PCDHA1: variants seen among roughly 807,000 people sequenced by gnomAD.
PCDHA1 encodes the protein protocadherin alpha-1.
PCDHA1 carries 42 observed loss-of-function variants against 61.3 expected under a neutral mutation model. The ratio of observed to expected loss-of-function variants is 0.69; its 90% CI spans 0.54 to 0.89. PCDHA1 has a LOEUF of 0.89. PCDHA1 is among the 40% of genes least tolerant of loss of function. The probability of loss-of-function intolerance (pLI) is 0.00; values close to 1 mark genes in which losing one functional copy is unlikely to be tolerated. For missense variants in PCDHA1, 1,256 were observed against 1,235.3 expected (o/e 1.02, Z -0.25); for synonymous variants, 610 against 553.8 (o/e 1.10, Z -1.43).
At chr5:140,868,866 T>C (rs1319732568) in intron 1 of PCDHA1, 2 of 581,336 alleles carry the variant, frequency 3.4e-6, no homozygotes, top group Non-Finnish European at 5.7e-6. Context: ...GTAAATGCAG[T>C]GCACAGTACT....
chr5:140,988,021 T>C (rs2097278466), intron 3 of PCDHA1, among the ~76,000 whole-genome samples: 1 of 152,216 alleles, frequency 6.6e-6, no homozygotes. Context: ...AGCATGATTC[T>C]TAAGTTTTTT....
At chr5:140,856,951 A>G in intron 1 of PCDHA1, 2 of 1,593,156 alleles carry the variant, frequency 1.3e-6, no homozygotes, top group Non-Finnish European at 1.7e-6. Context: ...CGGGAGAAAT[A>G]AAAGTAAATG....
chr5:140,808,814 C>G, intron 1 of PCDHA1: 1 of 1,612,774 alleles, frequency 6.2e-7, no homozygotes. Context: ...TGCCGGCGTG[C>G]CACCTCTGGG....
Position 140,787,452 on chromosome 5 carries a change from T to C in PCDHA1, c.1162T>C (p.Ser388Pro). The C allele has an allele frequency of 6.2e-7, 1 of 1,614,168 alleles. No homozygotes were observed. The part of the protein sequence containing the change: ...DSGANGQVTC[S>P]LMPHVPFKLV... The stretch of plus-strand genomic sequence containing the variant: ...AGGTGCCAACGGGCAGGTGACTTGC[T>C]CCTTAATGCCCCACGTCCCCTTCAA... The change falls in exon 1 of 4, where the codon TCC becomes CCC. Residue 388 changes from serine to proline, a missense_variant. Physicochemically the swap from Ser to Pro is moderately conservative, Grantham distance 74 (BLOSUM62 -1). Transcript: ENST00000504120.
chr5:140,865,419 T>A (rs1327080302), intron 1 of PCDHA1: 2 of 152,314 alleles, frequency 1.3e-5, no homozygotes, highest in African/African-American at 4.8e-5. Flanking sequence ...ATTAGTAGTG[T>A]CTACCTAGAA....
Position 140,923,530 on chromosome 5 carries a change from A to G in PCDHA1, c.2395-55419A>G, listed in dbSNP as rs115719485. On this transcript the variant is annotated intron_variant, in intron 1 of 3. Coordinates refer to ENST00000504120, the MANE Select transcript of PCDHA1 (RefSeq NM_018900.4). ...GATGATGAAGTGAGATTCTGTCCCAAAAAAAGGACAAAATGAAATATCAGC... is the reference window on the plus strand; with the variant it reads ...GATGATGAAGTGAGATTCTGTCCCAGAAAAAGGACAAAATGAAATATCAGC... Among the ~76,000 whole-genome samples, 836 of 152,264 alleles carry G rather than the reference A, an allele frequency of 5.5e-3. 5 individuals carry two copies. The highest frequency in any genetic ancestry group is 0.019 in the African/African-American group (794 of 41,534).
In PCDHA1 at chr5:140,883,376, G is replaced by T. The variant is rs1276182742; in HGVS notation, c.2394+94692G>T. On this transcript the variant is annotated intron_variant, in intron 1 of 3. Transcript: ENST00000504120. The stretch of plus-strand genomic sequence containing the variant: ...AGACACTCAGCCTAGCGCCATTATT[G>T]CCCTAATCAGTGTGTCCGATCGTGA... 25 of 1,613,998 alleles carry T rather than the reference G, an allele frequency of 1.5e-5. No homozygotes were observed. The highest frequency in any genetic ancestry group is 2.0e-5 in the Non-Finnish European group (24 of 1,180,022).
chr5:140,863,258 G>A lies in PCDHA1; in HGVS notation c.2394+74574G>A, dbSNP rs1456133535. On this transcript the variant is annotated intron_variant, in intron 1 of 3. Transcript: ENST00000504120. The stretch of plus-strand genomic sequence containing the variant: ...CGGGCTTTGGCGGGCGTCGAGGTCC[G>A]GGAGGCAGCGCTGGTGGATGTCAAC... 8 of 1,445,594 alleles carry A rather than the reference G, an allele frequency of 5.5e-6. No homozygotes were observed. In the Admixed American group the frequency reaches 9.0e-5, roughly 16 times the overall value. The allele number at this position is 1,445,594 out of a possible 1,614,324, so 89.5% of individuals were successfully genotyped here.
intron 3 of PCDHA1, among the ~76,000 whole-genome samples, chr5:141,008,863 C>T (rs902385521): frequency 6.6e-6 from 1 of 152,204 alleles, no homozygotes. Flanking sequence ...CTCTTCCATG[C>T]TGCATCCCAC....
chr5:140,869,029 A>T, intron 1 of PCDHA1: 4 of 1,526,468 alleles, frequency 2.6e-6, no homozygotes, highest in South Asian at 2.7e-5. Flanking sequence ...ATTCAACGAG[A>T]TTTTTAACCT....
intron 1 of PCDHA1, among the ~76,000 whole-genome samples, chr5:140,891,446 G>T (rs1554184841): frequency 1.0e-4 from 15 of 149,150 alleles, no homozygotes. Context: ...CATTGTATAG[G>T]ATTTTTGAAT....
At chr5:140,892,552 T>A (rs1041756319) in intron 1 of PCDHA1, among the ~76,000 whole-genome samples, 1 of 152,222 alleles carries the variant, frequency 6.6e-6, no homozygotes, top group East Asian at 1.9e-4. Flanking sequence ...GTTTCTCTAG[T>A]CCTTGGAGAC....
intron 1 of PCDHA1, chr5:140,805,178 G>T: frequency 6.7e-7 from 1 of 1,500,578 alleles, no homozygotes; most frequent in Non-Finnish European, 8.9e-7. Flanking sequence ...CTGATGCTAT[G>T]CCAAATAAAT....
At position 140,841,506 on chromosome 5, in the gene PCDHA1, G is replaced by C. The variant is rs2150316870; in HGVS notation, c.2394+52822G>C. ...CTGGAGCTGGCGGAGCTGGTGCCGC[G>C]CCTGTTCCGGGTGGCGTCCAAAAGA... On this transcript the variant is annotated intron_variant, in intron 1 of 3. Coordinates refer to ENST00000504120, the MANE Select transcript of PCDHA1 (RefSeq NM_018900.4). 4 of 1,613,388 alleles carry C rather than the reference G, an allele frequency of 2.5e-6. No homozygotes were observed. Among genetic ancestry groups the C allele is most frequent in the Admixed American group, 1.7e-5 (1 of 60,006 alleles).
chr5:140,928,664 G>A (rs186350151), intron 1 of PCDHA1: 2 of 1,614,214 alleles, frequency 1.2e-6, no homozygotes, highest in Non-Finnish European at 1.7e-6. Context: ...GCTGACAGTG[G>A]TTCTAATGCC....
In PCDHA1 at chr5:141,011,189, A is replaced by G. The variant is rs573647175; in HGVS notation, c.*1252A>G. On this transcript the variant is annotated 3_prime_UTR_variant, in exon 4 of 4. Coordinates refer to ENST00000504120, the MANE Select transcript of PCDHA1 (RefSeq NM_018900.4). ...CAAGACCCAAAAATTGAAGAAAAAT[A>G]TTGTTTTCTCATACAGTGAGCAGAT... 1.3e-5 allele frequency: 2 copies of G among 153,810 alleles called. No homozygotes were observed. Among genetic ancestry groups the G allele is most frequent in the African/African-American group, 4.8e-5 (2 of 41,570 alleles). 9.5% of individuals were successfully genotyped at this position (153,810 alleles called of 1,614,324 possible).
At chr5:140,838,077 AGTGTGTGTGTGTGTGTGTGTGTGTGT>A (rs57130401) in intron 1 of PCDHA1, among the ~76,000 whole-genome samples, 3 of 80,664 alleles carry the variant, frequency 3.7e-5, no homozygotes, top group South Asian at 4.3e-4. Context: ...ATATATATAT[AGTGTGTGTGTGTGTGTGTGTGTGTGT>A]GTGTGTGTGT....
chr5:140,830,913 T>G (rs1357987465), intron 1 of PCDHA1: 2 of 152,364 alleles, frequency 1.3e-5, no homozygotes, highest in African/African-American at 4.8e-5. Flanking sequence ...CACTTTCCAT[T>G]TCAATGTTTT....
intron 1 of PCDHA1, chr5:140,883,616 G>C: frequency 6.2e-7 from 1 of 1,614,014 alleles, no homozygotes; most frequent in Non-Finnish European, 8.5e-7. Flanking sequence ...CGACGTGAAC[G>C]ACAACGCGCC....
Sources: gnomAD v4.1 joint callset for allele counts (sites outside exome capture counted in the v4.1 genomes callset) on GRCh38, gnomAD v4.1.1 for gene constraint, MANE v1.5 for transcripts, NCBI Gene and HGNC (gene_info 2026-07-23, HGNC 2026-07-21) for gene names.